The following IGF1R variants were observed in gnomAD, a reference collection of about 807,000 sequenced individuals.
The protein encoded by IGF1R is insulin like growth factor 1 receptor, also known as insulin-like growth factor 1 receptor.
IGF1R carries 44 observed loss-of-function variants against 144.6 expected under a neutral mutation model. That is an observed-to-expected ratio of 0.30 (90% CI 0.24 to 0.39). The LOEUF is 0.39. Among genes scored for constraint, IGF1R ranks in the 10% least tolerant of loss-of-function variants. The probability of loss-of-function intolerance (pLI) is 1.00; values close to 1 mark genes in which losing one functional copy is unlikely to be tolerated. For missense variants in IGF1R, 1,355 were observed against 1,833.7 expected (o/e 0.74, Z 4.77); for synonymous variants, 795 against 722.8 (o/e 1.10, Z -1.60).
intron 1 of IGF1R, among the ~76,000 whole-genome samples, chr15:98,663,015 A>G (rs1171665760): frequency 4.6e-5 from 7 of 151,984 alleles, no homozygotes; most frequent in Non-Finnish European, 8.8e-5. Context: ...GGATTGGGGG[A>G]CAGATAGACA....
intron 1 of IGF1R, among the ~76,000 whole-genome samples, chr15:98,683,223 A>C (rs950420244): frequency 6.6e-6 from 1 of 152,070 alleles, no homozygotes; most frequent in African/African-American, 2.4e-5. Flanking sequence ...AGATCTGACG[A>C]GTTTGGGTGT....
In IGF1R at chr15:98,891,449, C is replaced by T; in HGVS notation, c.765C>T (p.Tyr255=). ...DTACVACRHY[Y]YAGVCVPACP... ...CCTGTGTAGCTTGCCGCCACTACTA[C>T]TATGCCGGTGTCTGTGTGCCTGCCT... Residue 255 remains tyrosine, a synonymous_variant, in exon 3 of 21, where the codon TAC becomes TAT. Transcript: ENST00000650285. The surrounding 1 kb of genome is among the most constrained non-coding windows in gnomAD (Gnocchi z 4.7). The T allele has an allele frequency of 6.2e-7, 1 of 1,614,094 alleles. No homozygotes were observed. Among genetic ancestry groups the T allele is most frequent in the Non-Finnish European group, 8.5e-7 (1 of 1,180,024 alleles).
At chr15:98,845,066 G>A (rs1322617254) in intron 2 of IGF1R, among the ~76,000 whole-genome samples, 1 of 152,124 alleles carries the variant, frequency 6.6e-6, no homozygotes, top group Non-Finnish European at 1.5e-5. Context: ...TGCCTTGTTA[G>A]CCGTGGAACG....
rs542728017 is a variant in IGF1R at position 98,852,233 on chromosome 15, C to T, written c.641-39092C>T. 7.2e-5 allele frequency among the ~76,000 whole-genome samples: 11 copies of T among 152,308 alleles called. 1 individual carries two copies. The South Asian group carries it at 2.3e-3, about 32-fold the overall frequency. On this transcript the variant is annotated intron_variant, in intron 2 of 20. Coordinates refer to ENST00000650285, the MANE Select transcript of IGF1R (RefSeq NM_000875.5). ...CAGGGGCTCCGGGGGACGCCCGCTCCGCCGGCTGTGGTGTGCGCCCTTCCT... is the reference window on the plus strand; with the variant it reads ...CAGGGGCTCCGGGGGACGCCCGCTCTGCCGGCTGTGGTGTGCGCCCTTCCT...
At chr15:98,711,096 G>A (rs1017253222) in intron 2 of IGF1R, among the ~76,000 whole-genome samples, 3 of 151,954 alleles carry the variant, frequency 2.0e-5, no homozygotes, top group African/African-American at 7.3e-5. Flanking sequence ...CATCTTTTTG[G>A]CTGAGTCGTC....
At chr15:98,660,638 G>C (rs1003710024) in intron 1 of IGF1R, 3 of 152,174 alleles carry the variant, frequency 2.0e-5, no homozygotes, top group African/African-American at 7.2e-5. Flanking sequence ...CTGCTGCATG[G>C]AACTTGAAAG....
At chr15:98,834,373 G>C (rs1596342567) in intron 2 of IGF1R, among the ~76,000 whole-genome samples, 1 of 152,204 alleles carries the variant, frequency 6.6e-6, no homozygotes, top group South Asian at 2.1e-4. Context: ...TGAGAAAATG[G>C]AGGTCATTAA....
intron 2 of IGF1R, among the ~76,000 whole-genome samples, chr15:98,726,425 A>C (rs1315823657): frequency 6.6e-6 from 1 of 152,198 alleles, no homozygotes. Context: ...TGCTCTAGTC[A>C]AGAAACTTTT....
chr15:98,850,991 A>G (rs2011506561), intron 2 of IGF1R, among the ~76,000 whole-genome samples: 1 of 152,236 alleles, frequency 6.6e-6, no homozygotes, highest in Non-Finnish European at 1.5e-5. Context: ...GAGTCGGAGT[A>G]CAGTGTTGAA....
At chr15:98,757,778 C>T (rs892171560) in intron 2 of IGF1R, among the ~76,000 whole-genome samples, 1 of 152,164 alleles carries the variant, frequency 6.6e-6, no homozygotes, top group Middle Eastern at 3.4e-3. Flanking sequence ...GGACGTTCTG[C>T]CTTGTCTTTC....
chr15:98,824,697 C>A (rs555431387), intron 2 of IGF1R, among the ~76,000 whole-genome samples: 2 of 152,226 alleles, frequency 1.3e-5, no homozygotes, highest in African/African-American at 4.8e-5. Context: ...GGCATTCTTT[C>A]CCATGCTTTT....
At chr15:98,856,834 A>C (rs934915164) in intron 2 of IGF1R, among the ~76,000 whole-genome samples, 2 of 152,036 alleles carry the variant, frequency 1.3e-5, no homozygotes, top group Non-Finnish European at 2.9e-5. Context: ...CACAGAGCTG[A>C]CTCCTGGGCA....
At chr15:98,883,219 C>G (rs1256283485) in intron 2 of IGF1R, among the ~76,000 whole-genome samples, 1 of 152,186 alleles carries the variant, frequency 6.6e-6, no homozygotes, top group Admixed American at 6.5e-5. Flanking sequence ...GTAGCTGATT[C>G]CACATAATGG....
In IGF1R at chr15:98,964,191, GAGTTTTCT is replaced by G. The variant is rs1325434217; in HGVS notation, c.*6750_*6757del. 4.3e-6 allele frequency: 1 copy of G among 231,978 alleles called. No individual in the cohort carries two copies. Among genetic ancestry groups the G allele is most frequent in the African/African-American group, 2.2e-5 (1 of 45,056 alleles). The allele number at this position is 231,978 out of a possible 1,614,324, so 14.4% of individuals were successfully genotyped here. On this transcript the variant is annotated 3_prime_UTR_variant, in exon 21 of 21. Coordinates refer to ENST00000650285, the MANE Select transcript of IGF1R (RefSeq NM_000875.5). ...ATGCACCGCAAATAATGCATTTTCT[GAGTTTTCT>G]TGTTAAAAAAAAATTTTTTTAAGTA... is the stretch of plus-strand genomic sequence containing the variant.
chr15:98,964,270 C>CTT lies in IGF1R; in HGVS notation c.*6830_*6831dup. 4.3e-6 allele frequency: 1 copy of CTT among 231,510 alleles called. No individual in the cohort carries two copies. Among genetic ancestry groups the CTT allele is most frequent in the Non-Finnish European group, 8.5e-6 (1 of 117,138 alleles). The allele number at this position is 231,510 out of a possible 1,614,324, so 14.3% of individuals were successfully genotyped here. On this transcript the variant is annotated 3_prime_UTR_variant, in exon 21 of 21. Coordinates refer to ENST00000650285, the MANE Select transcript of IGF1R (RefSeq NM_000875.5). ...ATGGCCAATTTGTTACATAAAATGA[C>CTT]TTTCTGTGTATAAATTATTCCTAAA...
chr15:98,689,627 T>A (rs1042511959), intron 1 of IGF1R, among the ~76,000 whole-genome samples: 13 of 152,242 alleles, frequency 8.5e-5, no homozygotes, highest in African/African-American at 1.2e-4. Flanking sequence ...TTAGAATATA[T>A]TGATTGCAGG....
Position 98,935,818 on chromosome 15 carries a change from C to G in IGF1R, c.3297+392C>G, listed in dbSNP as rs951418521. ...ACTTCTCGATGCGCTTGACTCACATCCTCGTATGTGTTCTCTCTCGTTATG... is the reference window on the plus strand; with the variant it reads ...ACTTCTCGATGCGCTTGACTCACATGCTCGTATGTGTTCTCTCTCGTTATG... On this transcript the variant is annotated intron_variant, in intron 17 of 20. Coordinates refer to ENST00000650285, the MANE Select transcript of IGF1R (RefSeq NM_000875.5). This position sits in a 1 kb window ranked among gnomAD's most constrained non-coding sequence, Gnocchi z 4.2. 6.6e-6 allele frequency among the ~76,000 whole-genome samples: 1 copy of G among 152,174 alleles called. No homozygotes were observed. Among genetic ancestry groups the G allele is most frequent in the Non-Finnish European group, 1.5e-5 (1 of 68,048 alleles).
At chr15:98,715,929 A>G (rs2054103757) in intron 2 of IGF1R, among the ~76,000 whole-genome samples, 2 of 152,194 alleles carry the variant, frequency 1.3e-5, no homozygotes, top group Admixed American at 1.3e-4. Flanking sequence ...TCACATTTTA[A>G]GTAAAAACCA....
intron 2 of IGF1R, among the ~76,000 whole-genome samples, chr15:98,861,378 C>A (rs986803668): frequency 1.3e-5 from 2 of 152,116 alleles, no homozygotes; most frequent in Non-Finnish European, 2.9e-5. Context: ...TCTCTTTCAC[C>A]ATGCTGACCC....
Sources: gnomAD v4.1 joint callset for allele counts (sites outside exome capture counted in the v4.1 genomes callset) on GRCh38, gnomAD v4.1.1 for gene constraint, Gnocchi (gnomAD v3.1) non-coding constraint, MANE v1.5 for transcripts, NCBI Gene and HGNC (gene_info 2026-07-23, HGNC 2026-07-21) for gene names.